Variants in ZNF254 observed in about 807,000 individuals in gnomAD.
The protein encoded by ZNF254 is zinc finger protein 254, also known as CTD-2017D11.1.
Under a neutral mutation model 12.4 loss-of-function variants are expected in ZNF254, and 10 were observed. The ratio of observed to expected loss-of-function variants is 0.80; its 90% CI spans 0.50 to 1.36. The LOEUF (loss-of-function observed/expected upper bound fraction) is 1.36, where lower values mean the gene tolerates loss of function less well. Ranked by LOEUF, ZNF254 falls within the 40% of genes most tolerant of loss-of-function variation. The pLI is 0.00. For missense variants in ZNF254, 996 were observed against 763.9 expected, an observed-to-expected ratio of 1.30 and a Z score of -3.58; for synonymous variants, 305 against 253.4, an observed-to-expected ratio of 1.20 and a Z score of -1.93.
chr19:24,056,378 C>A (rs878961505), intron 2 of ZNF254, among the ~76,000 whole-genome samples: 1 of 152,266 alleles, frequency 6.6e-6, no homozygotes, highest in South Asian at 2.1e-4. Context: ...GGTCCCTGCT[C>A]ACAGAGGGAA....
At chr19:24,059,001 GGT>G (rs1374575750) in intron 2 of ZNF254, among the ~76,000 whole-genome samples, 10 of 152,196 alleles carry the variant, frequency 6.6e-5, no homozygotes, top group Admixed American at 5.9e-4. Context: ...GTACCTGGCT[GGT>G]GTGACTCCTC....
chr19:24,091,581 T>A (rs960736435), intron 1 of ZNF254, among the ~76,000 whole-genome samples: 5 of 151,950 alleles, frequency 3.3e-5, no homozygotes, highest in African/African-American at 1.2e-4. Context: ...CAACCTCCAA[T>A]TCCCAGGTTC....
intron 3 of ZNF254, among the ~76,000 whole-genome samples, chr19:24,121,895 T>C (rs1974509174): frequency 6.6e-6 from 1 of 152,078 alleles, no homozygotes; most frequent in Non-Finnish European, 1.5e-5. Context: ...ATATTTGTTG[T>C]ATAGGTTTGT....
chr19:24,123,793 T>G (rs1278026613), intron 3 of ZNF254, among the ~76,000 whole-genome samples: 1 of 152,118 alleles, frequency 6.6e-6, no homozygotes, highest in Admixed American at 6.6e-5. Context: ...ATTTTGACTG[T>G]TTCTGCTCTC....
At chr19:24,040,249 A>G (rs534328071) in intron 1 of ZNF254, among the ~76,000 whole-genome samples, 8 of 152,304 alleles carry the variant, frequency 5.3e-5, no homozygotes, top group Non-Finnish European at 2.9e-5. Context: ...GATCTGCAGA[A>G]GTGTAAAACG....
intron 2 of ZNF254, among the ~76,000 whole-genome samples, chr19:24,054,590 A>G (rs1171672213): frequency 6.6e-6 from 1 of 152,196 alleles, no homozygotes; most frequent in Non-Finnish European, 1.5e-5. Flanking sequence ...CTCACCAATT[A>G]TTAGGATTAT....
intron 1 of ZNF254, among the ~76,000 whole-genome samples, chr19:24,100,871 A>G (rs1325048745): frequency 6.9e-6 from 1 of 144,264 alleles, no homozygotes; most frequent in Non-Finnish European, 1.5e-5. Context: ...CTTGTTGCTC[A>G]GGCTGGAGTG....
At chr19:24,049,214 A>ATATTTTTTT (rs1160333151) in intron 2 of ZNF254, among the ~76,000 whole-genome samples, 2 of 40,866 alleles carry the variant, frequency 4.9e-5, no homozygotes, top group East Asian at 4.7e-4. Context: ...ATATATATAT[A>ATATTTTTTT]TTTTTTTTTT....
chr19:24,082,252 G>C (rs1487361091), upstream of ZNF254, among the ~76,000 whole-genome samples: 6 of 151,762 alleles, frequency 4.0e-5, no homozygotes, highest in East Asian at 7.8e-4. Flanking sequence ...TGGTAAATGT[G>C]TTCCTCAATA....
chr19:24,035,676 A>G (rs985031388), intron 1 of ZNF254, among the ~76,000 whole-genome samples: 3 of 152,150 alleles, frequency 2.0e-5, no homozygotes, highest in East Asian at 1.9e-4. Context: ...GGTCTCAAAG[A>G]AAAAAGAGGA....
rs534684433 is a variant in ZNF254, at chr19:24,047,977, G to T, written c.-94+1698G>T. Reference sequence around the variant, plus strand: ...GCTGGGATTACAGGTGTGAGCCACTGCACCCGGCTCTTTTTTTCTTTTCTT... The same window carrying T: ...GCTGGGATTACAGGTGTGAGCCACTTCACCCGGCTCTTTTTTTCTTTTCTT... On this transcript the variant is annotated intron_variant, in intron 2 of 4. Coordinates refer to the ZNF254 transcript ENST00000613065. Among the ~76,000 whole-genome samples the T allele has an allele frequency of 1.2e-3, 168 of 137,948 alleles. 1 individual carries two copies. Among genetic ancestry groups the T allele is most frequent in the Non-Finnish European group, 2.2e-3 (139 of 63,666 alleles). 90.5% of individuals were successfully genotyped at this position (137,948 alleles called of 152,430 possible).
chr19:24,122,565 T>G (rs980264732), intron 3 of ZNF254, among the ~76,000 whole-genome samples: 1 of 151,998 alleles, frequency 6.6e-6, no homozygotes, highest in Non-Finnish European at 1.5e-5. Context: ...AACGCCAGTC[T>G]GTTCTTTGTT....
In ZNF254 at chr19:24,090,438, G is replaced by A. The variant is rs1972303857; in HGVS notation, c.30+3101G>A. Among the ~76,000 whole-genome samples the A allele has an allele frequency of 2.0e-5, 3 of 152,088 alleles. No individual in the cohort carries two copies. The South Asian group carries it at 6.2e-4, about 31-fold the overall frequency. On this transcript the variant is annotated intron_variant, in intron 1 of 3. Transcript: ENST00000357002. The stretch of plus-strand genomic sequence containing the variant: ...GGTTTTTTCACTTATTTTGACCTAA[G>A]GCTTGTTTTCGTTGTCTTGAGACAG...
chr19:24,116,618 T>TTCA (rs879547764), intron 3 of ZNF254, among the ~76,000 whole-genome samples: 1 of 151,944 alleles, frequency 6.6e-6, no homozygotes, highest in East Asian at 1.9e-4. Flanking sequence ...TCAAAGTTTT[T>TTCA]AACTTCTTTG....
At chr19:24,042,123 C>A (rs940783600) in intron 1 of ZNF254, among the ~76,000 whole-genome samples, 2 of 141,390 alleles carry the variant, frequency 1.4e-5, no homozygotes, top group African/African-American at 5.2e-5. Flanking sequence ...CCAATCAGCA[C>A]CCTGTGTTTA....
intron 2 of ZNF254, among the ~76,000 whole-genome samples, chr19:24,063,022 A>AAC (rs79985892): frequency 0.15 from 22,392 of 151,980 alleles, 1,913 homozygotes; most frequent in Middle Eastern, 0.23. Flanking sequence ...GCTGGTCTTG[A>AAC]ACTCCTGACC....
At position 24,043,248 on chromosome 19, in the gene ZNF254, C is replaced by T. The variant is rs551782897; in HGVS notation, c.-189-2936C>T. Among the ~76,000 whole-genome samples the T allele has an allele frequency of 2.1e-3, 315 of 151,204 alleles. 1 individual carries two copies. The highest frequency in any genetic ancestry group is 3.2e-3 in the Non-Finnish European group (217 of 67,874). ...CTTAAAAATCTAAAATATAACATGG[C>T]ACATAAAGCCAAAAAAAAATTTTTT... On this transcript the variant is annotated intron_variant, in intron 1 of 4. Coordinates refer to the ZNF254 transcript ENST00000613065.
chr19:24,038,055 T>TA (rs1214504112), intron 1 of ZNF254, among the ~76,000 whole-genome samples: 1 of 152,192 alleles, frequency 6.6e-6, no homozygotes, highest in East Asian at 1.9e-4. Flanking sequence ...CCAGAAAACT[T>TA]TTATATAATT....
intron 3 of ZNF254, among the ~76,000 whole-genome samples, chr19:24,119,105 CTG>C (rs1974305748): frequency 1.3e-5 from 2 of 151,858 alleles, no homozygotes; most frequent in African/African-American, 4.8e-5. Flanking sequence ...GAATGAGACT[CTG>C]ACTTCAAAAA....
Sources: allele counts gnomAD v4.1 joint callset (sites outside exome capture counted in the v4.1 genomes callset), GRCh38; gene constraint gnomAD v4.1.1; transcripts MANE v1.5; gene names NCBI Gene and HGNC (gene_info 2026-07-23, HGNC 2026-07-21).